The following RANBP2 variants were observed in gnomAD, a reference collection of about 807,000 sequenced individuals.
RANBP2 encodes the protein E3 SUMO-protein ligase RanBP2.
Under a neutral mutation model 303.6 loss-of-function variants are expected in RANBP2, and 57 were observed. That is an observed-to-expected ratio of 0.19 (90% CI 0.15 to 0.23). RANBP2 has a LOEUF of 0.23. Among genes scored for constraint, RANBP2 ranks in the 10% least tolerant of loss-of-function variants. The pLI is 1.00. For missense variants in RANBP2, 3,138 were observed against 3,780.8 expected (o/e 0.83, Z 4.46); for synonymous variants, 1,167 against 1,301.5 (o/e 0.90, Z 2.23).
the RANBP2 span, among the ~76,000 whole-genome samples, chr2:109,500,495 CAG>C: frequency 6.6e-6 from 1 of 152,132 alleles, no homozygotes; most frequent in Non-Finnish European, 1.5e-5. Flanking sequence ...GGTCTGAAGA[CAG>C]GGACTCCAAA....
chr2:108,820,920 A>G, the RANBP2 span, among the ~76,000 whole-genome samples: 3 of 152,212 alleles, frequency 2.0e-5, no homozygotes. Context: ...TGTTAAAGGC[A>G]AATAAATGGA....
chr2:109,420,613 A>T, the RANBP2 span, among the ~76,000 whole-genome samples: 1 of 151,866 alleles, frequency 6.6e-6, no homozygotes, highest in Non-Finnish European at 1.5e-5. Flanking sequence ...GCCTGGCTAA[A>T]TTTTTGTATT....
At chr2:109,121,622 A>T in the RANBP2 span, among the ~76,000 whole-genome samples, 3 of 151,898 alleles carry the variant, frequency 2.0e-5, no homozygotes, top group African/African-American at 7.3e-5. Context: ...GACTGATGAG[A>T]CCCCCTGCTA....
intron 17 of RANBP2, among the ~76,000 whole-genome samples, chr2:108,757,451 A>G (rs1473685352): frequency 6.6e-6 from 1 of 152,206 alleles, no homozygotes; most frequent in Non-Finnish European, 1.5e-5. Flanking sequence ...AGGAGCTAAT[A>G]TTGTTTACCT....
At chr2:109,396,178 A>G in the RANBP2 span, among the ~76,000 whole-genome samples, 15 of 152,166 alleles carry the variant, frequency 9.9e-5, no homozygotes, top group East Asian at 7.7e-4. Flanking sequence ...GCTGGCTCCC[A>G]GGTATTTGGA....
the RANBP2 span, among the ~76,000 whole-genome samples, chr2:109,458,779 A>C: frequency 1.5e-4 from 23 of 152,216 alleles, no homozygotes; most frequent in African/African-American, 4.3e-4. Flanking sequence ...GGCGAGGCCC[A>C]CCCACATTAT....
the RANBP2 span, among the ~76,000 whole-genome samples, chr2:108,912,948 C>CTTTT: frequency 7.2e-6 from 1 of 139,188 alleles, no homozygotes; most frequent in East Asian, 2.1e-4. Flanking sequence ...CGTTATTGTT[C>CTTTT]TTTTTTTTTT....
the RANBP2 span, among the ~76,000 whole-genome samples, chr2:109,375,108 C>T: frequency 3.9e-5 from 6 of 152,204 alleles, no homozygotes; most frequent in Non-Finnish European, 8.8e-5. Context: ...ATCGTCTCTC[C>T]ACAGCCCCTG....
the RANBP2 span, chr2:109,564,226 T>TA: frequency 0.087 from 62,766 of 719,432 alleles, 2,912 homozygotes; most frequent in African/African-American, 0.1. Context: ...AGAAGCACAA[T>TA]AATTAGTCAT....
the RANBP2 span, among the ~76,000 whole-genome samples, chr2:108,881,839 C>T: frequency 6.6e-6 from 1 of 152,088 alleles, no homozygotes; most frequent in Non-Finnish European, 1.5e-5. Flanking sequence ...GAAACAATTA[C>T]AATAGTAACA....
chr2:109,378,133 T>A, the RANBP2 span, among the ~76,000 whole-genome samples: 2 of 152,156 alleles, frequency 1.3e-5, no homozygotes, highest in Non-Finnish European at 2.9e-5. Flanking sequence ...AAGGGAAGTA[T>A]CCCAGGTGCT....
the RANBP2 span, among the ~76,000 whole-genome samples, chr2:109,349,568 C>G: frequency 6.6e-6 from 1 of 152,212 alleles, no homozygotes; most frequent in South Asian, 2.1e-4. Context: ...AGAGCAGGGA[C>G]CTCTGAACTC....
chr2:109,376,095 T>G, the RANBP2 span, among the ~76,000 whole-genome samples: 6 of 152,194 alleles, frequency 3.9e-5, no homozygotes, highest in Non-Finnish European at 8.8e-5. Flanking sequence ...CACTGTCCTG[T>G]GCTGGTGGTG....
At chr2:109,640,472 C>T in the RANBP2 span, among the ~76,000 whole-genome samples, 1 of 152,090 alleles carries the variant, frequency 6.6e-6, no homozygotes, top group Non-Finnish European at 1.5e-5. Flanking sequence ...ATAAATAAAA[C>T]CATTCCTTTT....
At chr2:109,089,595 G>A in the RANBP2 span, among the ~76,000 whole-genome samples, 1 of 152,154 alleles carries the variant, frequency 6.6e-6, no homozygotes, top group South Asian at 2.1e-4. Context: ...GACAGAGCAA[G>A]ACCTTGTCTC....
chr2:109,358,671 T>C, the RANBP2 span, among the ~76,000 whole-genome samples: 2 of 152,242 alleles, frequency 1.3e-5, no homozygotes, highest in Non-Finnish European at 2.9e-5. Flanking sequence ...TTTTTGTGTA[T>C]TTTGCATAAT....
the RANBP2 span, among the ~76,000 whole-genome samples, chr2:109,455,974 C>T: frequency 6.6e-6 from 1 of 152,256 alleles, no homozygotes; most frequent in Non-Finnish European, 1.5e-5. Context: ...ACGTGGGAAC[C>T]ATCATGCAGG....
the RANBP2 span, among the ~76,000 whole-genome samples, chr2:109,536,753 G>A: frequency 2.0e-5 from 3 of 152,166 alleles, no homozygotes; most frequent in Non-Finnish European, 4.4e-5. Context: ...GAATTCCTAC[G>A]TATTGTGGGA....
At chr2:108,956,790 T>TG in the RANBP2 span, among the ~76,000 whole-genome samples, 1,549 of 129,500 alleles carry the variant, frequency 0.012, 25 homozygotes, top group African/African-American at 0.051. Context: ...CTCTCTTTTT[T>TG]TTTTTGTTTT....
Sources: allele counts gnomAD v4.1 joint callset (sites outside exome capture counted in the v4.1 genomes callset), GRCh38; gene constraint gnomAD v4.1.1; transcripts MANE v1.5; gene names NCBI Gene and HGNC (gene_info 2026-07-23, HGNC 2026-07-21).